The following ITGB2 variants were observed in gnomAD, a reference collection of about 807,000 sequenced individuals.
ITGB2 encodes the protein integrin beta-2.
In ITGB2, 56 loss-of-function variants were observed where a neutral mutation model predicts 86.8. The ratio of observed to expected loss-of-function variants is 0.65; its 90% CI spans 0.52 to 0.81. The LOEUF (loss-of-function observed/expected upper bound fraction) is 0.81, where lower values mean the gene tolerates loss of function less well. Among genes scored for constraint, ITGB2 ranks in the 30% least tolerant of loss-of-function variants. ITGB2 has a pLI of 0.00. For missense variants in ITGB2, 948 were observed against 1,061.2 expected (o/e 0.89, Z 1.48); for synonymous variants, 457 against 450.4 (o/e 1.01, Z -0.19).
intron 1 of ITGB2, among the ~76,000 whole-genome samples, chr21:44,920,581 G>A (rs1002681250): frequency 1.1e-4 from 16 of 152,074 alleles, no homozygotes; most frequent in African/African-American, 3.9e-4. Flanking sequence ...CTCCCATGCC[G>A]GCCCCATCCT....
chr21:44,912,427 A>G (rs2084148146), intron 1 of ITGB2, among the ~76,000 whole-genome samples: 1 of 152,248 alleles, frequency 6.6e-6, no homozygotes, highest in African/African-American at 2.4e-5. Context: ...AGACGCCCCA[A>G]CAAGCCCCAA....
At chr21:44,893,770 GGGTGTGA>G (rs1177533386) in intron 9 of ITGB2, 1 of 563,666 alleles carries the variant, frequency 1.8e-6, no homozygotes, top group African/African-American at 1.9e-5. Context: ...CATGGAGCCA[GGGTGTGA>G]GCCTCAGGGG....
At chr21:44,928,800 T>C (rs2084408908) in exon 1 of ITGB2, 1 of 173,648 alleles carries the variant, frequency 5.8e-6, no homozygotes, top group Non-Finnish European at 1.2e-5. Flanking sequence ...TGGGGATGTG[T>C]CTCCAAGAAA....
intron 1 of ITGB2, among the ~76,000 whole-genome samples, chr21:44,926,518 G>T (rs144537521): frequency 2.6e-5 from 4 of 152,304 alleles, no homozygotes; most frequent in African/African-American, 9.6e-5. Context: ...GTGGGGCCAC[G>T]CCGGGCTGCT....
rs903642624 is a variant in ITGB2 at position 44,886,175 on chromosome 21, A to G, written c.*193T>C. On this transcript the variant is annotated 3_prime_UTR_variant, in exon 16 of 16. Transcript: ENST00000652462. ...CAAGTCTCCATGCAAAGACTGTGCC[A>G]GTCAGAGTGGAGCTGTCCCCCCGAC... 1.6e-6 allele frequency: 1 copy of G among 638,528 alleles called. No individual in the cohort carries two copies. Among genetic ancestry groups the G allele is most frequent in the Non-Finnish European group, 2.8e-6 (1 of 350,952 alleles). The allele number at this position is 638,528 out of a possible 1,614,324, so 39.6% of individuals were successfully genotyped here.
intron 3 of ITGB2, chr21:44,908,206 T>C (rs754280451): frequency 2.4e-5 from 17 of 705,666 alleles, no homozygotes; most frequent in Non-Finnish European, 4.2e-5. Flanking sequence ...AATTGAGAAA[T>C]GAGGAAGCTG....
At chr21:44,892,168 C>G (rs1186750665) in intron 10 of ITGB2, among the ~76,000 whole-genome samples, 172 bp from the exon 11 acceptor site, 1 of 152,186 alleles carries the variant, frequency 6.6e-6, no homozygotes, top group East Asian at 1.9e-4. Flanking sequence ...CAAAGTCAGC[C>G]GGCAAGGAGG....
At chr21:44,889,004 G>T (rs565105114) in intron 13 of ITGB2, 109 bp from the exon 14 acceptor site, 3 of 945,652 alleles carry the variant, frequency 3.2e-6, no homozygotes, top group African/African-American at 3.3e-5. Context: ...GGGTTGGGGC[G>T]CCCTCAGGCC....
chr21:44,890,084 G>T lies in ITGB2; in HGVS notation c.1551C>A (p.Cys517Ter), dbSNP rs766469133. ...SGLGDCVCGQ[C>*]LCHTSDVPGK... Reference sequence around the variant, plus strand: ...CGGGGACGTCGCTGGTGTGGCACAGGCACTGCCCGCAGACACAGTCCCCCA... The same window carrying T: ...CGGGGACGTCGCTGGTGTGGCACAGTCACTGCCCGCAGACACAGTCCCCCA... The change falls in exon 12 of 16, where the codon TGC (cysteine) becomes TGA (stop). Residue 517 changes from cysteine to a stop codon, truncating the protein, a stop_gained. Transcript: ENST00000652462. LOFTEE classifies it high-confidence loss of function. 6.2e-7 allele frequency: 1 copy of T among 1,613,486 alleles called. No homozygotes were observed. The highest frequency in any genetic ancestry group is 8.5e-7 in the Non-Finnish European group (1 of 1,180,024).
chr21:44,889,576 C>T, intron 12 of ITGB2, 81 bp from the exon 13 acceptor site: 9 of 1,259,178 alleles, frequency 7.1e-6, no homozygotes, highest in Non-Finnish European at 9.0e-6. Flanking sequence ...CGGTTGCTCC[C>T]TCCGGCCCGC....
intron 4 of ITGB2, among the ~76,000 whole-genome samples, chr21:44,904,627 GCA>G (rs1041073982): frequency 3.1e-4 from 47 of 149,394 alleles, no homozygotes; most frequent in African/African-American, 1.1e-3. Flanking sequence ...CCACATGCAC[GCA>G]CACACACTCG....
chr21:44,898,169 A>G (rs1271227529), intron 8 of ITGB2, among the ~76,000 whole-genome samples: 1 of 152,150 alleles, frequency 6.6e-6, no homozygotes, highest in Admixed American at 6.5e-5. Context: ...GAGGTCAGCC[A>G]TGGGGTGTCA....
intron 4 of ITGB2, among the ~76,000 whole-genome samples, chr21:44,906,661 G>T (rs968473599): frequency 3.9e-5 from 6 of 152,120 alleles, no homozygotes; most frequent in Non-Finnish European, 8.8e-5. Context: ...GGTGCAGAAC[G>T]TCGGGCTGCG....
chr21:44,892,070 C>T, intron 10 of ITGB2, 74 bp from the exon 11 acceptor site: 1 of 1,479,670 alleles, frequency 6.8e-7, no homozygotes, highest in Non-Finnish European at 9.2e-7. Context: ...ACCCTCACCT[C>T]CTGGCCTCTG....
intron 1 of ITGB2, among the ~76,000 whole-genome samples, chr21:44,912,297 C>T (rs1025636131): frequency 8.5e-5 from 13 of 152,070 alleles, no homozygotes; most frequent in African/African-American, 2.2e-4. Context: ...CCGGGAGGCT[C>T]GGGTGCCCTC....
At chr21:44,901,110 G>A (rs930464345) in intron 6 of ITGB2, among the ~76,000 whole-genome samples, 2 of 152,136 alleles carry the variant, frequency 1.3e-5, no homozygotes, top group Admixed American at 6.5e-5. Flanking sequence ...GACACACACT[G>A]GGCAGCCAGC....
At position 44,886,195 on chromosome 21, in the gene ITGB2, C is replaced by A. The variant is rs11559270; in HGVS notation, c.*173G>T. 3.0e-6 allele frequency: 2 copies of A among 670,490 alleles called. No individual in the cohort carries two copies. Among genetic ancestry groups the A allele is most frequent in the East Asian group, 2.7e-5 (1 of 36,464 alleles). 41.5% of individuals were successfully genotyped at this position (670,490 alleles called of 1,614,324 possible). On this transcript the variant is annotated 3_prime_UTR_variant, in exon 16 of 16. Transcript: ENST00000652462. The stretch of plus-strand genomic sequence containing the variant: ...GTGCCAGTCAGAGTGGAGCTGTCCC[C>A]CCGACGAGCCCCCAGAAGCACCCGG...
At chr21:44,903,791 G>A (rs902348657) in intron 4 of ITGB2, among the ~76,000 whole-genome samples, 5 of 152,138 alleles carry the variant, frequency 3.3e-5, no homozygotes, top group African/African-American at 4.8e-5. Context: ...CCCGCCTGGG[G>A]TGCTTAGAGT....
intron 1 of ITGB2, among the ~76,000 whole-genome samples, 166 bp downstream of exon 1, chr21:44,920,655 C>T (rs972505931): frequency 3.9e-5 from 6 of 152,222 alleles, no homozygotes; most frequent in South Asian, 2.1e-4. Context: ...TTCCCCTTGC[C>T]GGGTCTCAAA....
Sources: gnomAD v4.1 joint callset for allele counts (sites outside exome capture counted in the v4.1 genomes callset) on GRCh38, gnomAD v4.1.1 for gene constraint, MANE v1.5 for transcripts, NCBI Gene and HGNC (gene_info 2026-07-23, HGNC 2026-07-21) for gene names.